Variants in ABCA12 observed in about 807,000 individuals in gnomAD.
The protein encoded by ABCA12 is glucosylceramide transporter ABCA12.
A neutral mutation model predicts 293.5 loss-of-function variants in ABCA12; 156 were observed. The observed-to-expected ratio is 0.53, with a 90% CI of 0.47 to 0.61. ABCA12 has a LOEUF of 0.61. Ranked by LOEUF, ABCA12 falls within the 20% of genes least tolerant of loss-of-function variation. The probability of loss-of-function intolerance (pLI) is 0.00; values close to 1 mark genes in which losing one functional copy is unlikely to be tolerated. For synonymous variants in ABCA12, 1,063 were observed against 1,108.0 expected (o/e 0.96, Z 0.81); for missense variants, 2,797 against 3,090.2 (o/e 0.91, Z 2.25).
intron 2 of ABCA12, among the ~76,000 whole-genome samples, chr2:215,107,425 G>C (rs1318211107): frequency 6.6e-6 from 1 of 152,202 alleles, no homozygotes. Flanking sequence ...TGGCACCTCA[G>C]CTCATTTCTT....
chr2:214,999,866 G>A, intron 22 of ABCA12: 1 of 977,408 alleles, frequency 1.0e-6, no homozygotes, highest in South Asian at 4.7e-5. Context: ...AAGGGAGACA[G>A]AAGCATTGAA....
intron 30 of ABCA12, 30 bp from the exon 31 acceptor site, chr2:214,980,673 AT>A: frequency 6.2e-7 from 1 of 1,613,852 alleles, no homozygotes; most frequent in Non-Finnish European, 8.5e-7. Context: ...ACAACAGGGA[AT>A]GAAACGTGAA....
intron 2 of ABCA12, among the ~76,000 whole-genome samples, chr2:215,093,470 A>T (rs1417059154): frequency 6.6e-6 from 1 of 152,126 alleles, no homozygotes; most frequent in Non-Finnish European, 1.5e-5. Flanking sequence ...AACTCATCCC[A>T]ACTCTTTTTC....
chr2:214,947,872 T>TATA, intron 47 of ABCA12: 1 of 359,706 alleles, frequency 2.8e-6, no homozygotes, highest in South Asian at 2.4e-5. Flanking sequence ...TAAGGCTTAA[T>TATA]AGAGCTGAAA....
At chr2:215,065,508 A>C (rs1039421654) in intron 2 of ABCA12, among the ~76,000 whole-genome samples, 4 of 151,712 alleles carry the variant, frequency 2.6e-5, no homozygotes, top group Admixed American at 1.3e-4. Context: ...GAGCTGGGGG[A>C]AAAAAATAAA....
At chr2:214,949,006 G>A (rs777695487) in intron 46 of ABCA12, 34 bp downstream of exon 46, 2 of 1,511,794 alleles carry the variant, frequency 1.3e-6, no homozygotes, top group Non-Finnish European at 1.8e-6. Flanking sequence ...TAAGTATGTT[G>A]TACTCGCTAA....
chr2:215,079,586 T>G (rs1415742293), intron 2 of ABCA12, among the ~76,000 whole-genome samples: 2 of 152,204 alleles, frequency 1.3e-5, no homozygotes, highest in Non-Finnish European at 2.9e-5. Flanking sequence ...GTCATTAATG[T>G]CTCCCAGTTC....
chr2:215,053,422 G>A (rs1701358201), intron 4 of ABCA12, among the ~76,000 whole-genome samples: 1 of 152,032 alleles, frequency 6.6e-6, no homozygotes, highest in South Asian at 2.1e-4. Flanking sequence ...GATTCCTTTA[G>A]ACTATGGCAA....
At chr2:214,953,446 ATCT>A (rs1479780355) in intron 44 of ABCA12, among the ~76,000 whole-genome samples, 4 of 152,092 alleles carry the variant, frequency 2.6e-5, no homozygotes, top group East Asian at 1.9e-4. Context: ...CTTTTTCTTA[ATCT>A]TCTTTTCCCA....
chr2:215,068,772 AG>A lies in ABCA12; in HGVS notation c.164-4554del, dbSNP rs367941222. 3.2e-3 allele frequency among the ~76,000 whole-genome samples: 481 copies of A among 152,110 alleles called. 3 individuals carry two copies. The highest frequency in any genetic ancestry group is 0.011 in the African/African-American group (447 of 41,500). Reference sequence around the variant, plus strand: ...CTCTCTGTATTCATTGATGCAGCCAAGAATGCAGTTGTCTCTCAATGTCTTC... The same window carrying A: ...CTCTCTGTATTCATTGATGCAGCCAAAATGCAGTTGTCTCTCAATGTCTTC... On this transcript the variant is annotated intron_variant, in intron 2 of 52. Coordinates refer to ENST00000272895, the MANE Select transcript of ABCA12 (RefSeq NM_173076.3).
intron 2 of ABCA12, among the ~76,000 whole-genome samples, chr2:215,109,082 C>CG (rs895433341): frequency 1.4e-4 from 21 of 151,102 alleles, no homozygotes; most frequent in Non-Finnish European, 2.2e-4. Context: ...AAAAAGGAGG[C>CG]GGGGGGGCAA....
intron 8 of ABCA12, 59 bp downstream of exon 8, chr2:215,036,894 T>C: frequency 6.9e-7 from 1 of 1,458,636 alleles, no homozygotes; most frequent in East Asian, 2.3e-5. Flanking sequence ...CACTCTGCTT[T>C]ATATTTCCAA....
intron 1 of ABCA12, among the ~76,000 whole-genome samples, chr2:215,114,164 G>A (rs1020516178): frequency 5.3e-5 from 8 of 152,128 alleles, no homozygotes; most frequent in Admixed American, 3.3e-4. Context: ...TAGTAGAGAC[G>A]GGGTCTCACC....
chr2:215,100,046 C>T (rs1702325300), intron 2 of ABCA12, among the ~76,000 whole-genome samples: 1 of 150,508 alleles, frequency 6.6e-6, no homozygotes, highest in Admixed American at 6.6e-5. Flanking sequence ...CAGGGTCTTA[C>T]TCTCTTTCCC....
chr2:214,955,119 C>CT, intron 43 of ABCA12, 83 bp downstream of exon 43: 2 of 1,510,686 alleles, frequency 1.3e-6, no homozygotes, highest in Non-Finnish European at 9.1e-7. Flanking sequence ...TGATATTCTT[C>CT]TTTTTTATGT....
At chr2:214,945,176 G>A in intron 48 of ABCA12, 72 bp from the exon 49 acceptor site, 2 of 1,176,458 alleles carry the variant, frequency 1.7e-6, no homozygotes, top group South Asian at 1.3e-5. Flanking sequence ...ATGAATTACT[G>A]CATTTCACTT....
Position 215,001,756 on chromosome 2 carries a change from A to G in ABCA12, c.2684-19T>C, listed in dbSNP as rs1700150851. ...AGAATATCTAAAGAGGCAAAGCAAAAGAGACAAAAAAAAATTATGGTCCTG... is the reference window on the plus strand; with the variant it reads ...AGAATATCTAAAGAGGCAAAGCAAAGGAGACAAAAAAAAATTATGGTCCTG... On this transcript the variant is annotated intron_variant, in intron 20 of 52. Transcript: ENST00000272895. 6.2e-7 allele frequency: 1 copy of G among 1,610,056 alleles called. No individual in the cohort carries two copies. Among genetic ancestry groups the G allele is most frequent in the South Asian group, 1.1e-5 (1 of 90,704 alleles).
In ABCA12 at chr2:214,979,141, C is replaced by T. The variant is rs1699593007; in HGVS notation, c.4741-101G>A. ...AGGTGATGAGCTCTTTTAGGCCACT[C>T]CACACCTGAGTCAGATCATAACATC... On this transcript the variant is annotated intron_variant, in intron 31 of 52. Coordinates refer to ENST00000272895, the MANE Select transcript of ABCA12 (RefSeq NM_173076.3). 3 of 1,026,752 alleles carry T rather than the reference C, an allele frequency of 2.9e-6. No individual in the cohort carries two copies. In the African/African-American group the frequency reaches 4.7e-5, roughly 16 times the overall value. 63.6% of individuals were successfully genotyped at this position (1,026,752 alleles called of 1,614,324 possible).
rs1346802077 is a variant in ABCA12, at chr2:214,984,212, T to A, written c.4164-347A>T. Among the ~76,000 whole-genome samples the A allele has an allele frequency of 4.0e-5, 6 of 149,078 alleles. No individual in the cohort carries two copies. In the East Asian group the frequency reaches 1.3e-3, roughly 31 times the overall value. On this transcript the variant is annotated intron_variant, in intron 28 of 52. Coordinates refer to ENST00000272895, the MANE Select transcript of ABCA12 (RefSeq NM_173076.3). ...CCTGGGTTCACACCATTCTCCTGCC[T>A]CAGCCTCCCGAGTAGCTGGGACTAC...
Sources: gnomAD v4.1 joint callset for allele counts (sites outside exome capture counted in the v4.1 genomes callset) on GRCh38, gnomAD v4.1.1 for gene constraint, MANE v1.5 for transcripts, NCBI Gene and HGNC (gene_info 2026-07-23, HGNC 2026-07-21) for gene names.